Variants in CFAP91 observed in about 807,000 individuals in gnomAD.
CFAP91 encodes cilia- and flagella-associated protein 91.
In CFAP91, 85 loss-of-function variants were observed where a neutral mutation model predicts 95.9. The ratio of observed to expected loss-of-function variants is 0.89; its 90% CI spans 0.74 to 1.06. The LOEUF is 1.06. Ranked by LOEUF, CFAP91 falls within the 50% of genes least tolerant of loss-of-function variation. The probability of loss-of-function intolerance (pLI) is 0.00; values close to 1 mark genes in which losing one functional copy is unlikely to be tolerated. For synonymous variants in CFAP91, 335 were observed against 327.5 expected, an observed-to-expected ratio of 1.02 and a Z score of -0.25; for missense variants, 962 against 943.4, an observed-to-expected ratio of 1.02 and a Z score of -0.26.
At chr3:119,760,257 G>A (rs1161033855) in intron 17 of CFAP91, among the ~76,000 whole-genome samples, 3 of 151,760 alleles carry the variant, frequency 2.0e-5, no homozygotes, top group Non-Finnish European at 4.4e-5. Flanking sequence ...GATAAAATAG[G>A]TTTTAAGTAA....
rs1323137094 is a variant in CFAP91 at position 119,706,837 on chromosome 3, A to G, written c.153A>G (p.Lys51=). The G allele has an allele frequency of 1.2e-6, 2 of 1,613,614 alleles. No homozygotes were observed. The highest frequency in any genetic ancestry group is 1.7e-6 in the Non-Finnish European group (2 of 1,179,852). The part of the protein sequence containing the change: ...YDPLFIVSSE[K]DHTQANIQAT... The stretch of plus-strand genomic sequence containing the variant: ...CATTGTTTATTGTGTCAAGTGAGAA[A>G]GACCATACACAGGCAAATATCCAAG... The change falls in exon 2 of 18, where the codon AAA becomes AAG. Residue 51 remains lysine, a synonymous_variant. Coordinates refer to ENST00000273390, the MANE Select transcript of CFAP91 (RefSeq NM_033364.4).
chr3:119,743,979 C>T lies in CFAP91; in HGVS notation c.1685C>T (p.Ser562Leu). Residue 562 changes from serine (S) to leucine (L), a missense_variant, in exon 14 of 18, where the codon TCA (serine) becomes TTA (leucine). Coordinates refer to ENST00000273390, the MANE Select transcript of CFAP91 (RefSeq NM_033364.4). ...AGTTATGTTATTCTTTTCAAGGTGT[C>T]ACTGGTTGAAAACCATTTGGCCGGA... is the stretch of plus-strand genomic sequence containing the variant. ...RQRNLHEHKV[S>L]LVENHLAGLE... 1 of 1,600,978 alleles carries T rather than the reference C, an allele frequency of 6.2e-7. No individual in the cohort carries two copies. The highest frequency in any genetic ancestry group is 8.5e-7 in the Non-Finnish European group (1 of 1,172,366).
chr3:119,756,069 A>G (rs78227597), intron 17 of CFAP91, among the ~76,000 whole-genome samples: 1,691 of 152,280 alleles, frequency 0.011, 37 homozygotes, highest in African/African-American at 0.038. Context: ...ACGATAAAAG[A>G]CTTGTTTTCA....
intron 5 of CFAP91, among the ~76,000 whole-genome samples, chr3:119,714,144 C>T (rs1333889305): frequency 1.3e-5 from 2 of 151,828 alleles, no homozygotes; most frequent in Non-Finnish European, 2.9e-5. Flanking sequence ...GGGCGGATCA[C>T]GAGGTCAGGA....
At chr3:119,742,165 G>T (rs1195697244) in intron 13 of CFAP91, among the ~76,000 whole-genome samples, 1 of 152,196 alleles carries the variant, frequency 6.6e-6, no homozygotes, top group Non-Finnish European at 1.5e-5. Context: ...ATATACATGT[G>T]AGTGAAATCG....
At chr3:119,763,573 C>A (rs1367144793) in intron 17 of CFAP91, among the ~76,000 whole-genome samples, 2 of 151,870 alleles carry the variant, frequency 1.3e-5, no homozygotes, top group Non-Finnish European at 2.9e-5. Flanking sequence ...ACCTAAGTGT[C>A]CACCAACAGA....
At chr3:119,703,862 T>C (rs1173900297) in intron 1 of CFAP91, among the ~76,000 whole-genome samples, 1 of 152,218 alleles carries the variant, frequency 6.6e-6, no homozygotes, top group Non-Finnish European at 1.5e-5. Flanking sequence ...ATTCTAGTGC[T>C]GATACATATA....
chr3:119,732,560 A>T, intron 9 of CFAP91, 84 bp downstream of exon 9: 1 of 978,552 alleles, frequency 1.0e-6, no homozygotes, highest in South Asian at 1.7e-5. Flanking sequence ...AGAAATTTAG[A>T]TTAAAAGCTA....
chr3:119,739,791 C>T (rs2107898506), intron 12 of CFAP91, among the ~76,000 whole-genome samples: 1 of 152,168 alleles, frequency 6.6e-6, no homozygotes, highest in East Asian at 1.9e-4. Context: ...TACTATATGC[C>T]CACACTATTT....
intron 7 of CFAP91, among the ~76,000 whole-genome samples, chr3:119,726,906 A>G (rs1036486515): frequency 6.6e-6 from 1 of 150,388 alleles, no homozygotes; most frequent in Non-Finnish European, 1.5e-5. Context: ...GTTAAAAGAC[A>G]AATTATGGAA....
At chr3:119,704,460 T>G (rs937959178) in intron 1 of CFAP91, among the ~76,000 whole-genome samples, 3 of 152,232 alleles carry the variant, frequency 2.0e-5, no homozygotes, top group African/African-American at 7.2e-5. Context: ...GCTCTCCTGC[T>G]TTCTTTCTTT....
intron 6 of CFAP91, among the ~76,000 whole-genome samples, chr3:119,721,738 T>C (rs1393398850): frequency 1.3e-5 from 2 of 152,334 alleles, no homozygotes; most frequent in African/African-American, 4.8e-5. Flanking sequence ...AATGGAGGCA[T>C]GGCGATTAGA....
chr3:119,724,347 G>A (rs577972932), intron 6 of CFAP91, among the ~76,000 whole-genome samples: 1 of 152,048 alleles, frequency 6.6e-6, no homozygotes, highest in East Asian at 1.9e-4. Flanking sequence ...GGCTCAATGT[G>A]GTAGTTAAAA....
At chr3:119,726,687 A>G (rs574544297) in intron 7 of CFAP91, among the ~76,000 whole-genome samples, 18 of 152,246 alleles carry the variant, frequency 1.2e-4, no homozygotes, top group Non-Finnish European at 2.6e-4. Flanking sequence ...CTGTCACAGA[A>G]TCCCACTAAT....
At chr3:119,708,019 C>T (rs973199661) in intron 3 of CFAP91, among the ~76,000 whole-genome samples, 3 of 152,088 alleles carry the variant, frequency 2.0e-5, no homozygotes, top group Non-Finnish European at 2.9e-5. Flanking sequence ...CAGTGGCTCA[C>T]GCCTGTAATC....
At chr3:119,713,944 C>T (rs986754278) in intron 5 of CFAP91, among the ~76,000 whole-genome samples, 12 of 152,136 alleles carry the variant, frequency 7.9e-5, no homozygotes, top group Middle Eastern at 3.4e-3. Context: ...AAACAATTCT[C>T]GTATTGATGT....
At chr3:119,708,992 A>C (rs2053426800) in intron 4 of CFAP91, among the ~76,000 whole-genome samples, 2 of 152,336 alleles carry the variant, frequency 1.3e-5, no homozygotes, top group South Asian at 4.1e-4. Flanking sequence ...AAGAATATGT[A>C]TTTGAAAATA....
rs571362949 is a variant in CFAP91 at position 119,728,013 on chromosome 3, A to AACG, written c.860+1666_860+1667insCGA. On this transcript the variant is annotated intron_variant, in intron 7 of 17. Coordinates refer to ENST00000273390, the MANE Select transcript of CFAP91 (RefSeq NM_033364.4). ...TCAATAATATCAGATTGATGATGAT[A>AACG]ATGATGATGATGATGATGATGATGA... 6.4e-3 allele frequency among the ~76,000 whole-genome samples: 964 copies of AACG among 150,592 alleles called. 7 individuals are homozygous for AACG. The highest frequency in any genetic ancestry group is 8.2e-3 in the Non-Finnish European group (554 of 67,470).
rs2053289799 is a variant in CFAP91 at position 119,703,224 on chromosome 3, T to TA, written c.124+4dup. On this transcript the variant is annotated splice_region_variant and intron_variant, in intron 1 of 17. Coordinates refer to ENST00000273390, the MANE Select transcript of CFAP91 (RefSeq NM_033364.4). ...ATCGAGCGTATGATTTTCTGTACGG[T>TA]AAGGACCGCCGCAGACCTTCCTCCG... is the stretch of plus-strand genomic sequence containing the variant. 8 of 1,611,706 alleles carry TA rather than the reference T, an allele frequency of 5.0e-6. No homozygotes were observed. Among genetic ancestry groups the TA allele is most frequent in the Non-Finnish European group, 6.8e-6 (8 of 1,179,030 alleles).
Sources: gnomAD v4.1 joint callset for allele counts (sites outside exome capture counted in the v4.1 genomes callset) on GRCh38, gnomAD v4.1.1 for gene constraint, MANE v1.5 for transcripts, NCBI Gene and HGNC (gene_info 2026-07-23, HGNC 2026-07-21) for gene names.